Variants in TBC1D25 observed in about 807,000 individuals in gnomAD.
The protein encoded by TBC1D25 is TBC1 domain family member 25.
TBC1D25 carries 13 observed loss-of-function variants against 38.8 expected under a neutral mutation model. The ratio of observed to expected loss-of-function variants is 0.34; its 90% confidence interval spans 0.22 to 0.53. TBC1D25 has a LOEUF of 0.53. Among genes scored for constraint, TBC1D25 ranks in the 20% least tolerant of loss-of-function variants. The pLI is 0.94. For synonymous variants in TBC1D25, 225 were observed against 255.6 expected (o/e 0.88, Z 1.14); for missense variants, 372 against 600.0 (o/e 0.62, Z 3.97).
chrX:48,554,860 T>C, intron 3 of TBC1D25, among the ~76,000 whole-genome samples: 1 of 112,165 alleles, frequency 8.9e-6, no homozygotes, highest in South Asian at 3.7e-4. Flanking sequence ...TTACTGATTT[T>C]TCATAATGTG....
chrX:48,541,249 A>T, intron 1 of TBC1D25, 84 bp from the exon 2 acceptor site: 1 of 840,709 alleles, frequency 1.2e-6, no homozygotes, highest in Non-Finnish European at 1.8e-6. Flanking sequence ...CACCTCTCTG[A>T]CTTTGCCTTC....
At position 48,559,536 on chromosome X, in the gene TBC1D25, G is replaced by A; in HGVS notation, c.706-78G>A. ...AGGAAGACAGAGGCCCAAGGGGGGT[G>A]GGTGGGTGGCAACTGATAGACATTG... is the stretch of plus-strand genomic sequence containing the variant. On this transcript the variant is annotated intron_variant, in intron 5 of 5. Coordinates refer to ENST00000376771, the MANE Select transcript of TBC1D25 (RefSeq NM_002536.4). 3 of 1,148,855 alleles carry A rather than the reference G, an allele frequency of 2.6e-6. 1 individual carries two copies. The highest frequency in any genetic ancestry group is 3.5e-6 in the Non-Finnish European group (3 of 857,953). 94.7% of individuals were successfully genotyped at this position (1,148,855 alleles called of 1,213,427 possible).
chrX:48,539,871 C>A lies in TBC1D25; in HGVS notation c.74C>A (p.Ala25Glu). 1 of 964,559 alleles carries A rather than the reference C, an allele frequency of 1.0e-6. No individual in the cohort carries two copies. The highest frequency in any genetic ancestry group is 5.7e-5 in the Admixed American group (1 of 17,682). The allele number at this position is 964,559 out of a possible 1,213,427, so 79.5% of individuals were successfully genotyped here. ...APPPGVGAQA[A>E]AAAEEEEREV... ...CCGCCCGGTGTGGGAGCTCAGGCGGCGGCGGCCGCTGAGGAGGAGGAGCGA... is the reference window on the plus strand; with the variant it reads ...CCGCCCGGTGTGGGAGCTCAGGCGGAGGCGGCCGCTGAGGAGGAGGAGCGA... The change falls in exon 1 of 6, where the codon GCG (alanine) becomes GAG (glutamate). Residue 25 changes from alanine to glutamate, a missense_variant. This residue lies in a region of TBC1D25 where 60 missense variants were observed against 50.7 expected (regional missense o/e 1.18). Coordinates refer to ENST00000376771, the MANE Select transcript of TBC1D25 (RefSeq NM_002536.4).
At chrX:48,552,037 T>C (rs1556983406) in intron 3 of TBC1D25, among the ~76,000 whole-genome samples, 1 of 111,794 alleles carries the variant, frequency 8.9e-6, no homozygotes, top group African/African-American at 3.2e-5. Flanking sequence ...TCATGGCTAC[T>C]ATTTTTTTCT....
intron 2 of TBC1D25, among the ~76,000 whole-genome samples, chrX:48,542,360 G>T (rs2061847012): frequency 9.2e-6 from 1 of 108,404 alleles, no homozygotes; most frequent in Non-Finnish European, 1.9e-5. Flanking sequence ...TAGAGACAAG[G>T]TTTCACCATG....
In TBC1D25 at chrX:48,559,663, G is replaced by A. The variant is rs2147194987; in HGVS notation, c.755G>A (p.Arg252Gln). 3 of 1,211,721 alleles carry A rather than the reference G, an allele frequency of 2.5e-6. No individual in the cohort carries two copies. Among genetic ancestry groups the A allele is most frequent in the East Asian group, 3.0e-5 (1 of 33,847 alleles). Residue 252 changes from arginine (R) to glutamine (Q), a missense_variant, in exon 6 of 6, where the codon CGA becomes CAA. By Grantham distance (43) the Arg-to-Gln change is conservative. This residue lies in a region of TBC1D25 where 312 missense variants were observed against 549.3 expected (regional missense o/e 0.57). Transcript: ENST00000376771. Reference protein sequence around the residue: ...LNVYPDGLTGRERMDYMKRKS... With the variant: ...LNVYPDGLTGQERMDYMKRKS... Reference sequence around the variant, plus strand: ...GTGTATCCAGATGGACTGACAGGCCGAGAGCGGATGGACTACATGAAACGC... The same window carrying A: ...GTGTATCCAGATGGACTGACAGGCCAAGAGCGGATGGACTACATGAAACGC...
In TBC1D25 at chrX:48,561,085, G is replaced by A. The variant is rs1556986304; in HGVS notation, c.*110G>A. 1 of 926,103 alleles carries A rather than the reference G, an allele frequency of 1.1e-6. No homozygotes were observed. The highest frequency in any genetic ancestry group is 3.7e-5 in the Admixed American group (1 of 27,115). The allele number at this position is 926,103 out of a possible 1,213,427, so 76.3% of individuals were successfully genotyped here. On this transcript the variant is annotated 3_prime_UTR_variant, in exon 6 of 6. Transcript: ENST00000376771. ...CCTGCCTGCCAGCCCTAGACTTGTT[G>A]GAGCATAGAGCCCTTCCTCCCCAGG...
At chrX:48,559,466 T>G in intron 5 of TBC1D25, 120 bp downstream of exon 5, 1 of 1,087,890 alleles carries the variant, frequency 9.2e-7, no homozygotes, top group Middle Eastern at 3.4e-4. Flanking sequence ...GGCACGAAGT[T>G]CTCTTTAAGG....
Position 48,561,147 on chromosome X carries a change from C to G in TBC1D25, c.*172C>G. ...GGAGCTCTGCTTTGGCACTGCCCCG[C>G]AGAGGCCACGCCTATTTATTCTGTT... On this transcript the variant is annotated 3_prime_UTR_variant, in exon 6 of 6. Coordinates refer to ENST00000376771, the MANE Select transcript of TBC1D25 (RefSeq NM_002536.4). 2.0e-6 allele frequency: 1 copy of G among 499,314 alleles called. No individual in the cohort carries two copies. 41.1% of individuals were successfully genotyped at this position (499,314 alleles called of 1,213,427 possible).
chrX:48,539,958 TC>T, intron 1 of TBC1D25, 38 bp downstream of exon 1: 1 of 943,954 alleles, frequency 1.1e-6, no homozygotes. Flanking sequence ...CGCCGAGGCA[TC>T]CCAGGGGAGG....
chrX:48,539,963 G>C, intron 1 of TBC1D25, 43 bp downstream of exon 1: 1 of 944,343 alleles, frequency 1.1e-6, no homozygotes, highest in East Asian at 4.2e-5. Flanking sequence ...AGGCATCCCA[G>C]GGGAGGGGGA....
chrX:48,542,231 C>G (rs1239389145), intron 2 of TBC1D25, among the ~76,000 whole-genome samples: 3 of 101,120 alleles, frequency 3.0e-5, no homozygotes, highest in Non-Finnish European at 6.0e-5. Flanking sequence ...TGCAGTGGCG[C>G]AGTCTCAGCT....
chrX:48,542,104 T>C, intron 2 of TBC1D25, among the ~76,000 whole-genome samples: 1 of 104,151 alleles, frequency 9.6e-6, no homozygotes. Context: ...GTTCAAGTGA[T>C]TCTCCTGTCA....
At chrX:48,558,755 A>T in intron 3 of TBC1D25, 142 bp from the exon 4 acceptor site, 1 of 792,638 alleles carries the variant, frequency 1.3e-6, no homozygotes, top group Non-Finnish European at 1.8e-6. Context: ...TGTTTTTTAC[A>T]TGATTTGGAT....
At chrX:48,548,747 C>T (rs1321595119) in intron 3 of TBC1D25, among the ~76,000 whole-genome samples, 1 of 112,286 alleles carries the variant, frequency 8.9e-6, no homozygotes, top group African/African-American at 3.2e-5. Flanking sequence ...TATTTACACT[C>T]CCTACACACA....
Position 48,546,883 on chromosome X carries a change from G to T in TBC1D25, c.388+1860G>T, listed in dbSNP as rs185929555. 1.7e-3 allele frequency among the ~76,000 whole-genome samples: 186 copies of T among 112,295 alleles called. 1 individual carries two copies. The highest frequency in any genetic ancestry group is 2.6e-3 in the Non-Finnish European group (138 of 53,301). ...TAGATGAAGTATGTATGGGTGTTCA[G>T]TGTATTCTTTTAACTTTATTGTAGG... On this transcript the variant is annotated intron_variant, in intron 3 of 5. Transcript: ENST00000376771.
rs782693373 is a variant in TBC1D25, at chrX:48,549,043, T to G, written c.388+4020T>G. On this transcript the variant is annotated intron_variant, in intron 3 of 5. Coordinates refer to ENST00000376771, the MANE Select transcript of TBC1D25 (RefSeq NM_002536.4). ...TAGACCTTTGACCAATTTGTACTTT[T>G]CCGATATGAATCTTTTTTCTTTTTG... Among the ~76,000 whole-genome samples the G allele has an allele frequency of 4.5e-5, 5 of 112,204 alleles. No homozygotes were observed. In the South Asian group the frequency reaches 1.8e-3, roughly 41 times the overall value.
rs2147199221 is a variant in TBC1D25, at chrX:48,561,756, A to G, written c.*781A>G. Reference sequence around the variant, plus strand: ...AAGGTTTGAGCGAGGTGCATCTCACACAAGTGTGAAAGCCCAATCATCACA... The same window carrying G: ...AAGGTTTGAGCGAGGTGCATCTCACGCAAGTGTGAAAGCCCAATCATCACA... On this transcript the variant is annotated 3_prime_UTR_variant, in exon 6 of 6. Transcript: ENST00000376771. 8.9e-6 allele frequency: 1 copy of G among 112,641 alleles called. No homozygotes were observed. The highest frequency in any genetic ancestry group is 1.9e-5 in the Non-Finnish European group (1 of 53,317). 9.3% of individuals were successfully genotyped at this position (112,641 alleles called of 1,213,427 possible).
rs1380378887 is a variant in TBC1D25, at chrX:48,560,952, GC to G, written c.2045del (p.Ala682ValfsTer26). ...AGAGGTGTGGGACTCAGAGGAGGGGGCTGAGGCCACAGCCGCATCTTGATCA... is the reference window on the plus strand; with the variant it reads ...AGAGGTGTGGGACTCAGAGGAGGGGGTGAGGCCACAGCCGCATCTTGATCA... The part of the protein sequence containing the change: ...QSEVWDSEEG[A>X]EATAAS On this transcript the variant is annotated frameshift_variant, in exon 6 of 6. Transcript: ENST00000376771. LOFTEE classifies it high-confidence loss of function. 1 of 1,199,349 alleles carries G rather than the reference GC, an allele frequency of 8.3e-7. No individual in the cohort carries two copies. The highest frequency in any genetic ancestry group is 1.7e-5 in the African/African-American group (1 of 57,510).
Sources: allele counts gnomAD v4.1 joint callset (sites outside exome capture counted in the v4.1 genomes callset), GRCh38; gene constraint gnomAD v4.1.1; regional missense constraint gnomAD v4.1.1; transcripts MANE v1.5; gene names NCBI Gene and HGNC (gene_info 2026-07-23, HGNC 2026-07-21).